Variants in CACNA1A observed in about 807,000 individuals in gnomAD.
The protein encoded by CACNA1A is calcium voltage-gated channel subunit alpha1 A, also known as voltage-dependent P/Q-type calcium channel subunit alpha-1A.
A neutral mutation model predicts 262.4 loss-of-function variants in CACNA1A; 57 were observed. That is an observed-to-expected ratio of 0.22 (90% CI 0.18 to 0.27). CACNA1A has a LOEUF of 0.27. Among genes scored for constraint, CACNA1A ranks in the 10% least tolerant of loss-of-function variants. The probability of loss-of-function intolerance (pLI) is 1.00; values close to 1 mark genes in which losing one functional copy is unlikely to be tolerated. For missense variants in CACNA1A, 2,526 were observed against 3,562.8 expected (o/e 0.71, Z 7.41); for synonymous variants, 1,431 against 1,419.3 (o/e 1.01, Z -0.18).
intron 27 of CACNA1A, chr19:13,258,593 A>C (rs1166492325): frequency 6.6e-6 from 1 of 152,222 alleles, no homozygotes; most frequent in Non-Finnish European, 1.5e-5. Flanking sequence ...ACTTTGCTCA[A>C]AGGTGCCTTG....
chr19:13,286,667 T>G lies in CACNA1A; in HGVS notation c.3389A>C (p.Asn1130Thr). 6.4e-7 allele frequency: 1 copy of G among 1,560,830 alleles called. No homozygotes were observed. The highest frequency in any genetic ancestry group is 8.7e-7 in the Non-Finnish European group (1 of 1,152,688). ...CTTGGGGGGGCCGGGATTGGATGGG[T>G]TCCCCGGGTTGTTGGGCGTCCGGCG... ...ASRRTPNNPG[N>T]PSNPGPPKTP... The change falls in exon 20 of 47, where the codon AAC becomes ACC. Residue 1130 changes from asparagine (N) to threonine (T), a missense_variant. Coordinates refer to ENST00000360228, the MANE Select transcript of CACNA1A (RefSeq NM_001127222.2).
intron 1 of CACNA1A, among the ~76,000 whole-genome samples, chr19:13,460,382 T>G (rs866610770): frequency 3.3e-5 from 5 of 152,274 alleles, no homozygotes; most frequent in Middle Eastern, 3.4e-3. Flanking sequence ...TCCTCCACGT[T>G]CTGACCCCAG....
chr19:13,213,839 A>T (rs768548955), intron 40 of CACNA1A: 1 of 176,052 alleles, frequency 5.7e-6, no homozygotes, highest in East Asian at 1.6e-4. Flanking sequence ...GCATGGCGCC[A>T]CATGCAGCTA....
intron 3 of CACNA1A, 51 bp downstream of exon 3, chr19:13,452,825 T>G: frequency 1.9e-6 from 3 of 1,569,678 alleles, no homozygotes; most frequent in Non-Finnish European, 2.6e-6. Flanking sequence ...ACCAAAAGCC[T>G]CGTAATCCTT....
chr19:13,498,585 T>C (rs890267334), intron 1 of CACNA1A, among the ~76,000 whole-genome samples: 2 of 152,112 alleles, frequency 1.3e-5, no homozygotes, highest in Non-Finnish European at 1.5e-5. Context: ...GAACGGCAGA[T>C]AAAGCCGTGT....
intron 30 of CACNA1A, among the ~76,000 whole-genome samples, chr19:13,246,473 C>G (rs1387369572): frequency 6.6e-6 from 1 of 152,152 alleles, no homozygotes; most frequent in East Asian, 1.9e-4. Context: ...ATGAGGCAAA[C>G]AGCTTCCCTG....
chr19:13,277,405 G>A (rs764642766), intron 22 of CACNA1A: 7 of 297,060 alleles, frequency 2.4e-5, no homozygotes, highest in Admixed American at 4.6e-5. Flanking sequence ...CCACGGGAAG[G>A]GTACCTTTTA....
rs547896633 is a variant in CACNA1A, at chr19:13,230,822, AGAGAG to A, written c.5401-618_5401-614del. ...ACTCCATTTCAAAGAAAAAAAAAAA[AGAGAG>A]AGAGAGACAAAGACCAAGAATGATG... On this transcript the variant is annotated intron_variant, in intron 35 of 46. Coordinates refer to ENST00000360228, the MANE Select transcript of CACNA1A (RefSeq NM_001127222.2). Among the ~76,000 whole-genome samples the A allele has an allele frequency of 2.3e-3, 349 of 149,870 alleles. 1 individual carries two copies. Among genetic ancestry groups the A allele is most frequent in the African/African-American group, 8.3e-3 (334 of 40,380 alleles).
chr19:13,285,624 G>A (rs956345525), intron 20 of CACNA1A, among the ~76,000 whole-genome samples: 1 of 152,076 alleles, frequency 6.6e-6, no homozygotes, highest in Admixed American at 6.6e-5. Flanking sequence ...TAGGGAGAGT[G>A]CCAAGAGACC....
intron 34 of CACNA1A, among the ~76,000 whole-genome samples, chr19:13,233,142 C>T (rs1220897551): frequency 6.6e-6 from 1 of 151,938 alleles, no homozygotes; most frequent in Non-Finnish European, 1.5e-5. Flanking sequence ...GTATGCTGGG[C>T]TCCTCACAGT....
In CACNA1A at chr19:13,212,682, C is replaced by T. The variant is rs1303685302; in HGVS notation, c.5999G>A (p.Gly2000Glu). ...GGAGGGGAGGGCGTTCTGGCCAGGTCCCCCTTCCTGCGTTGGGGACGGGGG... is the reference window on the plus strand; with the variant it reads ...GGAGGGGAGGGCGTTCTGGCCAGGTTCCCCTTCCTGCGTTGGGGACGGGGG... ...MEPPSPTQEGGPGQNALPSTQ... is the reference protein window; with the variant it reads ...MEPPSPTQEGEPGQNALPSTQ... Residue 2000 changes from glycine (G) to glutamate (E), a missense_variant, in exon 41 of 47, where the codon GGA (glycine) becomes GAA (glutamate). Coordinates refer to ENST00000360228, the MANE Select transcript of CACNA1A (RefSeq NM_001127222.2). This position sits in a 1 kb window ranked among gnomAD's most constrained non-coding sequence, Gnocchi z 5.6. 6.6e-7 allele frequency: 1 copy of T among 1,511,802 alleles called. No homozygotes were observed. Among genetic ancestry groups the T allele is most frequent in the South Asian group, 1.4e-5 (1 of 74,042 alleles). The allele number at this position is 1,511,802 out of a possible 1,614,324, so 93.6% of individuals were successfully genotyped here. A position where few individuals can be genotyped will look rare whatever the true frequency, so the allele number is the denominator to read the frequency against.
intron 1 of CACNA1A, among the ~76,000 whole-genome samples, chr19:13,472,486 C>T (rs1332232371): frequency 1.3e-5 from 2 of 152,110 alleles, no homozygotes; most frequent in African/African-American, 4.8e-5. Flanking sequence ...CTGTCTCTGC[C>T]AACTTCTTGG....
intron 6 of CACNA1A, among the ~76,000 whole-genome samples, chr19:13,352,508 G>A (rs2058931462): frequency 2.0e-5 from 3 of 152,018 alleles, no homozygotes; most frequent in Non-Finnish European, 4.4e-5. Context: ...CCGAAGGTCA[G>A]CTTGGTACAG....
At chr19:13,439,265 C>T (rs1250040016) in intron 3 of CACNA1A, among the ~76,000 whole-genome samples, 9 of 142,590 alleles carry the variant, frequency 6.3e-5, no homozygotes, top group African/African-American at 1.8e-4. Context: ...CCCACCACCA[C>T]GCTCAGCTAA....
intron 30 of CACNA1A, among the ~76,000 whole-genome samples, chr19:13,246,846 T>G (rs1048689032): frequency 6.6e-6 from 1 of 152,158 alleles, no homozygotes; most frequent in African/African-American, 2.4e-5. Context: ...CAGGATGATC[T>G]TGATCTCCTG....
rs182441890 is a variant in CACNA1A at position 13,280,787 on chromosome 19, A to G, written c.3822+2480T>C. ...GAAACCCCGTCTCTACTAAAAATAC[A>G]AAAATTAGCCGGGTGTGGTGGCGCC... is the stretch of plus-strand genomic sequence containing the variant. On this transcript the variant is annotated intron_variant, in intron 22 of 46. Transcript: ENST00000360228. Among the ~76,000 whole-genome samples, 537 of 152,020 alleles carry G rather than the reference A, an allele frequency of 3.5e-3. 4 individuals carry two copies. The highest frequency in any genetic ancestry group is 8.5e-3 in the Admixed American group (130 of 15,272).
chr19:13,487,917 C>A (rs201725507), intron 1 of CACNA1A, among the ~76,000 whole-genome samples: 1 of 151,684 alleles, frequency 6.6e-6, no homozygotes, highest in Non-Finnish European at 1.5e-5. Context: ...GGGATCCCCC[C>A]ACCTCGGCCT....
intron 38 of CACNA1A, among the ~76,000 whole-genome samples, chr19:13,216,894 G>A (rs1244994680): frequency 6.6e-6 from 1 of 152,132 alleles, no homozygotes; most frequent in Non-Finnish European, 1.5e-5. Context: ...AGTTGGCTCT[G>A]CCCTCAATGC....
chr19:13,220,809 AG>A (rs1339113619), intron 38 of CACNA1A, among the ~76,000 whole-genome samples: 1 of 152,108 alleles, frequency 6.6e-6, no homozygotes. Flanking sequence ...AATTTTCTGT[AG>A]AGATGGGGTC....
Sources: gnomAD v4.1 joint callset for allele counts (sites outside exome capture counted in the v4.1 genomes callset) on GRCh38, gnomAD v4.1.1 for gene constraint, Gnocchi (gnomAD v3.1) non-coding constraint, MANE v1.5 for transcripts, NCBI Gene and HGNC (gene_info 2026-07-23, HGNC 2026-07-21) for gene names.